The following NBEA variants were observed in gnomAD, a reference collection of about 807,000 sequenced individuals.
NBEA encodes the protein lysosomal-trafficking regulator 2.
A neutral mutation model predicts 343.4 loss-of-function variants in NBEA; 44 were observed. The ratio of observed to expected loss-of-function variants is 0.13; its 90% CI spans 0.10 to 0.16. The LOEUF (loss-of-function observed/expected upper bound fraction) is 0.16, where lower values mean the gene tolerates loss of function less well. NBEA is among the 10% of genes least tolerant of loss of function. The pLI, the probability that NBEA is intolerant of heterozygous loss-of-function variation, is 1.00. For synonymous variants in NBEA, 1,175 were observed against 1,238.7 expected (o/e 0.95, Z 1.08); for missense variants, 2,555 against 3,631.3 (o/e 0.70, Z 7.62).
intron 17 of NBEA, among the ~76,000 whole-genome samples, chr13:35,125,380 A>G (rs2067066270): frequency 6.6e-6 from 1 of 152,232 alleles, no homozygotes; most frequent in Non-Finnish European, 1.5e-5. Context: ...TGAGAGGCAC[A>G]CCTTAAATTA....
chr13:35,040,806 A>G, intron 1 of NBEA, 127 bp from the exon 2 acceptor site: 1 of 746,958 alleles, frequency 1.3e-6, no homozygotes, highest in Non-Finnish European at 2.2e-6. Flanking sequence ...TTTGATCAAA[A>G]TTAATTTTAT....
At chr13:35,070,982 T>C in intron 10 of NBEA, 130 bp downstream of exon 10, 2 of 971,788 alleles carry the variant, frequency 2.1e-6, no homozygotes, top group Non-Finnish European at 1.4e-6. Flanking sequence ...AAAAATTTTT[T>C]AGAACTAATG....
intron 28 of NBEA, among the ~76,000 whole-genome samples, chr13:35,181,883 T>A (rs2071345547): frequency 6.6e-6 from 1 of 151,830 alleles, no homozygotes; most frequent in Admixed American, 6.6e-5. Context: ...TGTTTATTTC[T>A]CCTCTATTTT....
chr13:35,507,673 G>A (rs1040157742), intron 41 of NBEA, among the ~76,000 whole-genome samples: 1 of 152,056 alleles, frequency 6.6e-6, no homozygotes, highest in South Asian at 2.1e-4. Flanking sequence ...CAGTCTCTTA[G>A]CAAGTCACAT....
chr13:35,390,976 C>T (rs886225714), intron 38 of NBEA, among the ~76,000 whole-genome samples: 2 of 152,000 alleles, frequency 1.3e-5, no homozygotes, highest in African/African-American at 4.8e-5. Flanking sequence ...TGTCCTATGC[C>T]ATAAGAAGGC....
Position 35,126,777 on chromosome 13 carries a change from G to T in NBEA, c.2336+3203G>T, listed in dbSNP as rs923029845. On this transcript the variant is annotated intron_variant, in intron 17 of 58. Transcript: ENST00000379939. Reference sequence around the variant, plus strand: ...TACTAAAAATACAAAAATTAGCCGGGCATGGTGGCAGGTGCCTGTCATCCC... The same window carrying T: ...TACTAAAAATACAAAAATTAGCCGGTCATGGTGGCAGGTGCCTGTCATCCC... Among the ~76,000 whole-genome samples, 12 of 152,084 alleles carry T rather than the reference G, an allele frequency of 7.9e-5. No homozygotes were observed. The South Asian group carries it at 1.7e-3, about 21-fold the overall frequency.
chr13:35,563,136 T>TAGATAG (rs1555303309), intron 44 of NBEA, among the ~76,000 whole-genome samples: 58 of 84,230 alleles, frequency 6.9e-4, no homozygotes, highest in African/African-American at 4.4e-3. Flanking sequence ...TGTGTGGAGA[T>TAGATAG]AGATAGATAG....
In NBEA at chr13:35,631,638, T is replaced by TAAAAAAAAAAA. The variant is rs59333937; in HGVS notation, c.7617+3403_7617+3413dup. Among the ~76,000 whole-genome samples the TAAAAAAAAAAA allele has an allele frequency of 3.4e-3, 424 of 126,374 alleles. 6 individuals carry two copies. The highest frequency in any genetic ancestry group is 0.023 in the East Asian group (94 of 4,092). The allele number at this position is 126,374 out of a possible 152,430, so 82.9% of individuals were successfully genotyped here. ...TGAATATCTATATATGTCTCCTTTGTAAAAAAAAAAAAAAAAAAAAAAATT... is the reference window on the plus strand; with the variant it reads ...TGAATATCTATATATGTCTCCTTTGTAAAAAAAAAAAAAAAAAAAAAAAAAAAAAAAAAATT... On this transcript the variant is annotated intron_variant, in intron 49 of 58. Coordinates refer to ENST00000379939, the MANE Select transcript of NBEA (RefSeq NM_001385012.1).
At chr13:35,619,317 G>T (rs1426492269) in intron 48 of NBEA, among the ~76,000 whole-genome samples, 4 of 151,962 alleles carry the variant, frequency 2.6e-5, no homozygotes, top group Non-Finnish European at 4.4e-5. Context: ...AGAGGCCAAA[G>T]AAGAGACCCA....
chr13:35,657,013 A>G (rs1327149607), intron 55 of NBEA, among the ~76,000 whole-genome samples: 1 of 152,140 alleles, frequency 6.6e-6, no homozygotes, highest in Non-Finnish European at 1.5e-5. Context: ...TTGCACATCC[A>G]CCCTTCATGT....
At chr13:35,047,792 A>G (rs2062915975) in intron 4 of NBEA, among the ~76,000 whole-genome samples, 4 of 2,774 alleles carry the variant, frequency 1.4e-3, no homozygotes, top group Non-Finnish European at 5.6e-3. Flanking sequence ...GGCCATTATC[A>G]GCAACATGAA....
At chr13:35,668,265 CAGT>C (rs1343992114) in intron 57 of NBEA, 100 bp from the exon 58 acceptor site, 21 of 1,123,664 alleles carry the variant, frequency 1.9e-5, no homozygotes, top group Non-Finnish European at 2.7e-5. Flanking sequence ...GAGTACTTTT[CAGT>C]AGTGACAGTT....
At chr13:35,539,951 G>A (rs2078745042) in intron 41 of NBEA, among the ~76,000 whole-genome samples, 2 of 98,986 alleles carry the variant, frequency 2.0e-5, no homozygotes, top group Admixed American at 9.9e-5. Flanking sequence ...AAGTGCACTA[G>A]TATTTGTAAT....
chr13:35,096,231 CTAT>C (rs1246757459), intron 10 of NBEA, among the ~76,000 whole-genome samples: 1 of 148,698 alleles, frequency 6.7e-6, no homozygotes, highest in African/African-American at 2.5e-5. Flanking sequence ...TGTGGTATTG[CTAT>C]TGCATTGGGT....
chr13:35,093,469 C>G (rs912969028), intron 10 of NBEA, among the ~76,000 whole-genome samples: 1 of 151,896 alleles, frequency 6.6e-6, no homozygotes, highest in African/African-American at 2.4e-5. Flanking sequence ...TATTTTCTTG[C>G]ATTTGCGAAT....
chr13:35,323,345 A>C (rs1239772311), intron 36 of NBEA, among the ~76,000 whole-genome samples: 1 of 152,072 alleles, frequency 6.6e-6, no homozygotes, highest in Admixed American at 6.5e-5. Flanking sequence ...CTGGATTAAG[A>C]AAATGTGGCA....
At chr13:35,224,382 T>A (rs1377550685) in intron 33 of NBEA, among the ~76,000 whole-genome samples, 1 of 152,178 alleles carries the variant, frequency 6.6e-6, no homozygotes, top group African/African-American at 2.4e-5. Context: ...ATCACATTTA[T>A]ATAAAATTAT....
intron 10 of NBEA, among the ~76,000 whole-genome samples, chr13:35,078,732 A>C (rs1426491948): frequency 6.6e-6 from 1 of 152,184 alleles, no homozygotes; most frequent in Non-Finnish European, 1.5e-5. Context: ...GGTGCACAGG[A>C]AGGAAACCCA....
intron 34 of NBEA, chr13:35,251,668 A>G (rs1014668875): frequency 2.4e-5 from 17 of 706,560 alleles, no homozygotes; most frequent in African/African-American, 3.7e-5. Context: ...AGAGGCGGCT[A>G]TCATCTCTGC....
Sources: gnomAD v4.1 joint callset for allele counts (sites outside exome capture counted in the v4.1 genomes callset) on GRCh38, gnomAD v4.1.1 for gene constraint, MANE v1.5 for transcripts, NCBI Gene and HGNC (gene_info 2026-07-23, HGNC 2026-07-21) for gene names.